Variants in FNDC3B observed in about 807,000 individuals in gnomAD.
The protein encoded by FNDC3B is fibronectin type III domain-containing protein 3B.
FNDC3B carries 12 observed loss-of-function variants against 151.5 expected under a neutral mutation model. The observed-to-expected ratio is 0.08, with a 90% CI of 0.05 to 0.13. FNDC3B has a LOEUF of 0.13. Among genes scored for constraint, FNDC3B ranks in the 10% least tolerant of loss-of-function variants. The pLI is 1.00. For synonymous variants in FNDC3B, 528 were observed against 549.0 expected, an observed-to-expected ratio of 0.96 and a Z score of 0.54; for missense variants, 1,214 against 1,505.3, an observed-to-expected ratio of 0.81 and a Z score of 3.20.
chr3:172,295,909 T>C (rs949487763), intron 8 of FNDC3B, among the ~76,000 whole-genome samples: 1 of 152,244 alleles, frequency 6.6e-6, no homozygotes, highest in Admixed American at 6.5e-5. Context: ...CTACAATATG[T>C]TTCCTTCTGT....
chr3:172,127,092 C>T (rs1576889116), intron 2 of FNDC3B: 1 of 456,426 alleles, frequency 2.2e-6, no homozygotes, highest in Admixed American at 2.4e-5. Context: ...TTATCGAGAG[C>T]ATGAAACATG....
At chr3:172,202,996 G>A (rs1210501062) in intron 3 of FNDC3B, among the ~76,000 whole-genome samples, 3 of 152,130 alleles carry the variant, frequency 2.0e-5, no homozygotes, top group African/African-American at 7.2e-5. Flanking sequence ...TAGCTTGTGA[G>A]CTGTACCAAA....
chr3:172,299,555 CTAATATT>C (rs987605760), intron 9 of FNDC3B, among the ~76,000 whole-genome samples: 21 of 152,004 alleles, frequency 1.4e-4, no homozygotes, highest in Non-Finnish European at 2.9e-4. Flanking sequence ...TTTATTTTAT[CTAATATT>C]TAAGTTCCCC....
At chr3:172,229,136 CA>C (rs990469594) in intron 4 of FNDC3B, among the ~76,000 whole-genome samples, 16 of 81,684 alleles carry the variant, frequency 2.0e-4, no homozygotes, top group African/African-American at 6.9e-4. Context: ...CACACACACA[CA>C]ATCTCCTGCA....
intron 1 of FNDC3B, among the ~76,000 whole-genome samples, chr3:172,085,132 C>T (rs1329578493): frequency 2.0e-5 from 3 of 152,098 alleles, no homozygotes; most frequent in Non-Finnish European, 2.9e-5. Flanking sequence ...GGTGGGACAT[C>T]TTGGGATGAT....
chr3:172,323,028 T>TTTGTTTGTTTG (rs1553789528), intron 11 of FNDC3B, among the ~76,000 whole-genome samples: 46 of 151,732 alleles, frequency 3.0e-4, no homozygotes, highest in African/African-American at 1.1e-3. Context: ...GTGTTTTAGT[T>TTTGTTTGTTTG]TTTGTTTGTT....
chr3:172,210,679 T>G (rs1725692623), intron 3 of FNDC3B, among the ~76,000 whole-genome samples: 1 of 152,218 alleles, frequency 6.6e-6, no homozygotes, highest in Non-Finnish European at 1.5e-5. Flanking sequence ...TGTAGTATTT[T>G]GTTTTAGTTA....
intron 1 of FNDC3B, among the ~76,000 whole-genome samples, chr3:172,049,241 G>A (rs769833886): frequency 3.3e-5 from 5 of 152,074 alleles, no homozygotes; most frequent in Admixed American, 2.6e-4. Context: ...TCTTCATCTG[G>A]CTGTTGCAGT....
intron 3 of FNDC3B, among the ~76,000 whole-genome samples, chr3:172,194,230 G>GAAAA (rs1724714803): frequency 6.6e-6 from 1 of 151,496 alleles, no homozygotes. Flanking sequence ...AAAAAAAAAA[G>GAAAA]AAAAATTATC....
chr3:172,231,509 T>C (rs905116814), intron 4 of FNDC3B, among the ~76,000 whole-genome samples: 3 of 152,134 alleles, frequency 2.0e-5, no homozygotes, highest in African/African-American at 7.2e-5. Flanking sequence ...CAGTTATGAA[T>C]TGGGAAACAA....
chr3:172,344,342 T>A, intron 19 of FNDC3B, 84 bp downstream of exon 19: 1 of 1,302,200 alleles, frequency 7.7e-7, no homozygotes, highest in African/African-American at 1.5e-5. Context: ...TCTAGCCTCC[T>A]GAAATTTTTG....
Position 172,133,562 on chromosome 3 carries a change from G to T in FNDC3B, c.187+16G>T. ...TGCATTCAAGGTAAGGACATTTTTG[G>T]TAAATATTCTAATCAAAGATTTTTT... On this transcript the variant is annotated intron_variant, in intron 3 of 25. Coordinates refer to ENST00000415807, the MANE Select transcript of FNDC3B (RefSeq NM_022763.4). 1 of 1,566,994 alleles carries T rather than the reference G, an allele frequency of 6.4e-7. No homozygotes were observed. Among genetic ancestry groups the T allele is most frequent in the Non-Finnish European group, 8.8e-7 (1 of 1,137,956 alleles).
rs1472348494 is a variant in FNDC3B, at chr3:172,378,445, A to G, written c.3175+9A>G. The G allele has an allele frequency of 2.5e-6, 4 of 1,597,138 alleles. No homozygotes were observed. Among genetic ancestry groups the G allele is most frequent in the African/African-American group, 1.4e-5 (1 of 73,956 alleles). ...CCCCCCCACCATCAAAGGTGTGTAG[A>G]CTATGTATTCTTTCTCGCTCTCTTG... On this transcript the variant is annotated intron_variant, in intron 24 of 25. Coordinates refer to ENST00000415807, the MANE Select transcript of FNDC3B (RefSeq NM_022763.4).
At chr3:172,120,262 A>C (rs1325732134) in intron 2 of FNDC3B, among the ~76,000 whole-genome samples, 1 of 152,228 alleles carries the variant, frequency 6.6e-6, no homozygotes, top group East Asian at 1.9e-4. Context: ...GCTGCCCTTA[A>C]AACAGGAAGG....
chr3:172,212,329 G>T (rs558224223), intron 3 of FNDC3B, among the ~76,000 whole-genome samples: 35 of 152,286 alleles, frequency 2.3e-4, no homozygotes, highest in African/African-American at 7.0e-4. Flanking sequence ...CTACAAATGA[G>T]ATGTGCTTCA....
chr3:172,365,320 G>T (rs374749631), intron 23 of FNDC3B, among the ~76,000 whole-genome samples: 1 of 152,062 alleles, frequency 6.6e-6, no homozygotes, highest in African/African-American at 2.4e-5. Context: ...ACTCTTTAGC[G>T]TATGTGTTAA....
chr3:172,081,553 CTTAAGA>C (rs1156905947), intron 1 of FNDC3B, among the ~76,000 whole-genome samples: 1 of 152,036 alleles, frequency 6.6e-6, no homozygotes, highest in Non-Finnish European at 1.5e-5. Context: ...AGGATAAAAC[CTTAAGA>C]TTAATTCCAT....
chr3:172,174,942 C>CCCCCCCCA (rs1553769237), intron 3 of FNDC3B, among the ~76,000 whole-genome samples: 6 of 66,384 alleles, frequency 9.0e-5, no homozygotes, highest in Non-Finnish European at 2.0e-4. Flanking sequence ...CACCCCCCCC[C>CCCCCCCCA]CCCCAATACA....
chr3:172,311,002 A>G lies in FNDC3B; in HGVS notation c.1254+121A>G, dbSNP rs1389918311. On this transcript the variant is annotated intron_variant, in intron 11 of 25. Transcript: ENST00000415807. ...ACACAGAAAAAAGGAATGCTAGTAG[A>G]GAAATTTAAATCAATAGTTATTGAC... is the stretch of plus-strand genomic sequence containing the variant. 22 of 734,646 alleles carry G rather than the reference A, an allele frequency of 3.0e-5. No homozygotes were observed. In the East Asian group the frequency reaches 5.3e-4, roughly 18 times the overall value. 45.5% of individuals were successfully genotyped at this position (734,646 alleles called of 1,614,324 possible).
Sources: gnomAD v4.1 joint callset for allele counts (sites outside exome capture counted in the v4.1 genomes callset) on GRCh38, gnomAD v4.1.1 for gene constraint, MANE v1.5 for transcripts, NCBI Gene and HGNC (gene_info 2026-07-23, HGNC 2026-07-21) for gene names.